ERGIC1: variants seen among roughly 807,000 people sequenced by gnomAD.
ERGIC1 encodes the protein endoplasmic reticulum-Golgi intermediate compartment protein 1.
A neutral mutation model predicts 38.3 loss-of-function variants in ERGIC1; 19 were observed. That is an observed-to-expected ratio of 0.50 (90% confidence interval 0.35 to 0.73). The LOEUF (loss-of-function observed/expected upper bound fraction) is 0.73. ERGIC1 is among the 30% of genes least tolerant of loss of function. ERGIC1 has a pLI of 0.01. For missense variants in ERGIC1, 294 were observed against 389.2 expected, an observed-to-expected ratio of 0.76 and a Z score of 2.06; for synonymous variants, 124 against 157.6, an observed-to-expected ratio of 0.79 and a Z score of 1.60.
At chr5:172,897,780 G>A (rs1033919686) in intron 3 of ERGIC1, 11 of 413,532 alleles carry the variant, frequency 2.7e-5, no homozygotes, top group Non-Finnish European at 4.0e-5. Flanking sequence ...CGGAGGGGGC[G>A]AGGTTGCTGA....
intron 1 of ERGIC1, among the ~76,000 whole-genome samples, chr5:172,856,925 A>G (rs1415998743): frequency 6.6e-6 from 1 of 152,204 alleles, no homozygotes; most frequent in Non-Finnish European, 1.5e-5. Flanking sequence ...AGCCGTGCAT[A>G]CAAAATGCCT....
intron 1 of ERGIC1, among the ~76,000 whole-genome samples, chr5:172,869,879 AT>A (rs1246530197): frequency 1.3e-5 from 2 of 152,138 alleles, no homozygotes; most frequent in African/African-American, 4.8e-5. Flanking sequence ...TGTAGAGCAA[AT>A]ATTCCTATTC....
intron 1 of ERGIC1, among the ~76,000 whole-genome samples, chr5:172,854,881 G>C (rs1761506498): frequency 6.6e-6 from 1 of 152,230 alleles, no homozygotes; most frequent in Non-Finnish European, 1.5e-5. Flanking sequence ...AGGAACTTAA[G>C]TCTTGTTTAT....
chr5:172,900,857 A>G (rs373084348), intron 3 of ERGIC1, among the ~76,000 whole-genome samples: 187 of 152,334 alleles, frequency 1.2e-3, no homozygotes, highest in Non-Finnish European at 2.4e-3. Flanking sequence ...TGCTCCAGCT[A>G]TGAAGATGCA....
At chr5:172,844,089 T>C (rs1055321444) in intron 1 of ERGIC1, among the ~76,000 whole-genome samples, 1 of 152,166 alleles carries the variant, frequency 6.6e-6, no homozygotes, top group African/African-American at 2.4e-5. Context: ...AGGGCACAGA[T>C]ACAATCACAT....
At chr5:172,870,720 G>A (rs1010957647) in intron 1 of ERGIC1, among the ~76,000 whole-genome samples, 12 of 152,310 alleles carry the variant, frequency 7.9e-5, no homozygotes, top group African/African-American at 2.4e-4. Flanking sequence ...CAGGGGGAGC[G>A]GGGAGCAGAG....
chr5:172,848,528 G>T (rs1761332512), intron 1 of ERGIC1, among the ~76,000 whole-genome samples: 1 of 152,208 alleles, frequency 6.6e-6, no homozygotes, highest in Non-Finnish European at 1.5e-5. Context: ...AGGTCCTTCA[G>T]ATCCCTTGGC....
chr5:172,870,292 C>G (rs1761966920), intron 1 of ERGIC1, among the ~76,000 whole-genome samples: 1 of 152,126 alleles, frequency 6.6e-6, no homozygotes, highest in African/African-American at 2.4e-5. Context: ...ACGGGCTGCC[C>G]TCGGACCCCT....
intron 7 of ERGIC1, among the ~76,000 whole-genome samples, chr5:172,928,708 T>A (rs1763710536): frequency 6.6e-6 from 1 of 152,188 alleles, no homozygotes; most frequent in Non-Finnish European, 1.5e-5. Flanking sequence ...GAGGCCACTA[T>A]GGAAGAGCTC....
intron 1 of ERGIC1, among the ~76,000 whole-genome samples, chr5:172,888,329 A>T (rs781776102): frequency 2.0e-5 from 3 of 152,146 alleles, no homozygotes; most frequent in Non-Finnish European, 2.9e-5. Flanking sequence ...GCATGGTGGC[A>T]CATGCCCGTA....
chr5:172,914,680 G>C, intron 4 of ERGIC1, 34 bp from the exon 5 acceptor site: 1 of 1,613,872 alleles, frequency 6.2e-7, no homozygotes, highest in Non-Finnish European at 8.5e-7. Flanking sequence ...GCGTCTCTGG[G>C]TTTGTGACTG....
intron 4 of ERGIC1, among the ~76,000 whole-genome samples, chr5:172,914,388 A>T (rs1052668620): frequency 6.6e-6 from 1 of 152,160 alleles, no homozygotes; most frequent in Non-Finnish European, 1.5e-5. Flanking sequence ...GGGTTCAATT[A>T]TGGTCAGCCC....
At chr5:172,849,302 C>G (rs141977211) in intron 1 of ERGIC1, among the ~76,000 whole-genome samples, 1 of 152,184 alleles carries the variant, frequency 6.6e-6, no homozygotes, top group Non-Finnish European at 1.5e-5. Context: ...TCCCTAATCA[C>G]CTGGGGCCCT....
chr5:172,900,709 C>CAA (rs1171493535), intron 3 of ERGIC1, among the ~76,000 whole-genome samples: 8 of 112,726 alleles, frequency 7.1e-5, no homozygotes, highest in Admixed American at 1.8e-4. Context: ...GACCCTATCT[C>CAA]AAAAAAAAAA....
chr5:172,878,409 C>A (rs1157977275), intron 1 of ERGIC1, among the ~76,000 whole-genome samples: 2 of 152,122 alleles, frequency 1.3e-5, no homozygotes, highest in Non-Finnish European at 2.9e-5. Context: ...CAGTTCAAGT[C>A]CTGGCCCTGC....
At chr5:172,895,420 T>C (rs1762696708) in intron 2 of ERGIC1, among the ~76,000 whole-genome samples, 1 of 152,172 alleles carries the variant, frequency 6.6e-6, no homozygotes, top group Non-Finnish European at 1.5e-5. Context: ...TAGTGAGCTC[T>C]TGCCCACTAA....
chr5:172,886,625 A>G (rs1047332363), intron 1 of ERGIC1, among the ~76,000 whole-genome samples: 5 of 152,228 alleles, frequency 3.3e-5, no homozygotes, highest in African/African-American at 1.2e-4. Context: ...AGTAACCACA[A>G]ATATCCACGT....
In ERGIC1 at chr5:172,934,365, C is replaced by A. The variant is rs112719404; in HGVS notation, c.643-823C>A. ...GTGTTTAGATGGGGAAGCCAAGTCC[C>A]TGAGGGAGGGAGGGGCTGGCCCAAG... On this transcript the variant is annotated intron_variant, in intron 8 of 9. Coordinates refer to ENST00000393784, the MANE Select transcript of ERGIC1 (RefSeq NM_001031711.3). 4.2e-3 allele frequency: 644 copies of A among 152,484 alleles called. 2 individuals are homozygous for A. The highest frequency in any genetic ancestry group is 7.3e-3 in the Non-Finnish European group (497 of 68,120). 9.4% of individuals were successfully genotyped at this position (152,484 alleles called of 1,614,324 possible).
intron 9 of ERGIC1, among the ~76,000 whole-genome samples, chr5:172,949,725 C>A (rs1267126056): frequency 1.3e-5 from 2 of 152,188 alleles, no homozygotes; most frequent in Admixed American, 6.5e-5. Context: ...AAGGACAGCC[C>A]CTGTGGCAAA....
Sources: allele counts gnomAD v4.1 joint callset (sites outside exome capture counted in the v4.1 genomes callset), GRCh38; gene constraint gnomAD v4.1.1; transcripts MANE v1.5; gene names NCBI Gene and HGNC (gene_info 2026-07-23, HGNC 2026-07-21).